The following DIS3L2 variants were observed in gnomAD, a reference collection of about 807,000 sequenced individuals.
DIS3L2 encodes the protein DIS3 like 3'-5' exoribonuclease 2.
DIS3L2 carries 34 observed loss-of-function variants against 97.5 expected under a neutral mutation model. The observed-to-expected ratio is 0.35, with a 90% CI of 0.27 to 0.46. The LOEUF (loss-of-function observed/expected upper bound fraction) is 0.46, where lower values mean the gene tolerates loss of function less well. DIS3L2 is among the 20% of genes least tolerant of loss of function. The pLI is 1.00. For synonymous variants in DIS3L2, 435 were observed against 445.2 expected (o/e 0.98, Z 0.29); for missense variants, 1,038 against 1,146.0 (o/e 0.91, Z 1.36).
rs1694635312 is a variant in DIS3L2 at position 232,292,778 on chromosome 2, T to A, written c.1660-7262T>A. The stretch of plus-strand genomic sequence containing the variant: ...TCCTTGTTGGGATGAAAGCCTTGCC[T>A]CTAACTGAACCCTTTTGAAGGCTTC... On this transcript the variant is annotated intron_variant, in intron 13 of 20. Transcript: ENST00000325385. This position sits in a 1 kb window ranked among gnomAD's most constrained non-coding sequence, Gnocchi z 4.4. Among the ~76,000 whole-genome samples, 1 of 152,200 alleles carries A rather than the reference T, an allele frequency of 6.6e-6. No homozygotes were observed.
chr2:232,046,653 C>T (rs1695251853), intron 5 of DIS3L2, among the ~76,000 whole-genome samples: 1 of 152,126 alleles, frequency 6.6e-6, no homozygotes. Flanking sequence ...ACCCCCTTCT[C>T]CAGTTAGGTC....
At position 232,329,813 on chromosome 2, in the gene DIS3L2, G is replaced by A; in HGVS notation, c.1740G>A (p.Lys580=). 1.8e-6 allele frequency: 1 copy of A among 545,872 alleles called. No individual in the cohort carries two copies. Among genetic ancestry groups the A allele is most frequent in the Non-Finnish European group, 2.9e-6 (1 of 344,608 alleles). 33.8% of individuals were successfully genotyped at this position (545,872 alleles called of 1,614,324 possible). The change falls in exon 15 of 21, where the codon AAG becomes AAA. Residue 580 remains lysine (K), a splice_region_variant and synonymous_variant. Coordinates refer to ENST00000325385, the MANE Select transcript of DIS3L2 (RefSeq NM_152383.5). ...CHIYEYRESN[K]LVEEFMLLAN... ...CTCCCATCCCACCCACCCTCTGCAGGCTCGTGGAGGAGTTCATGCTCTTGG... is the reference window on the plus strand; with the variant it reads ...CTCCCATCCCACCCACCCTCTGCAGACTCGTGGAGGAGTTCATGCTCTTGG...
At position 232,268,003 on chromosome 2, in the gene DIS3L2, C is replaced by T. The variant is rs1456859973; in HGVS notation, c.1659+4563C>T. The stretch of plus-strand genomic sequence containing the variant: ...CCTGCTGGGGTTCTCTCTCTAGCCT[C>T]TTCCTCATCAGTCAGGTGGCAGTAC... On this transcript the variant is annotated intron_variant, in intron 13 of 20. Transcript: ENST00000325385. The surrounding 1 kb of genome is among the most constrained non-coding windows in gnomAD (Gnocchi z 4.1). Among the ~76,000 whole-genome samples, 3 of 152,216 alleles carry T rather than the reference C, an allele frequency of 2.0e-5. No homozygotes were observed. The highest frequency in any genetic ancestry group is 2.9e-5 in the Non-Finnish European group (2 of 68,036).
Position 232,325,433 on chromosome 2 carries a change from C to T in DIS3L2, c.1740-4380C>T, listed in dbSNP as rs964057222. ...CGTGTGCGGGGGGCTGGTGGCCTTT[C>T]TCTGCTGTCTGCCACAGTTTGTGAG... On this transcript the variant is annotated intron_variant, in intron 14 of 20. Transcript: ENST00000325385. The surrounding 1 kb of genome is among the most constrained non-coding windows in gnomAD (Gnocchi z 4.6). Among the ~76,000 whole-genome samples the T allele has an allele frequency of 1.1e-4, 16 of 152,248 alleles. No homozygotes were observed. The highest frequency in any genetic ancestry group is 1.8e-4 in the Non-Finnish European group (12 of 68,034).
chr2:232,023,829 A>G (rs1694583019), intron 3 of DIS3L2, among the ~76,000 whole-genome samples: 1 of 152,160 alleles, frequency 6.6e-6, no homozygotes. Flanking sequence ...TTGGAAATCA[A>G]CCTGTACCAC....
rs148252921 is a variant in DIS3L2, at chr2:232,167,377, A to G, written c.1124+3745A>G. Among the ~76,000 whole-genome samples, 506 of 152,284 alleles carry G rather than the reference A, an allele frequency of 3.3e-3. 4 individuals carry two copies. The highest frequency in any genetic ancestry group is 0.011 in the African/African-American group (466 of 41,574). On this transcript the variant is annotated intron_variant, in intron 9 of 20. Coordinates refer to ENST00000325385, the MANE Select transcript of DIS3L2 (RefSeq NM_152383.5). ...ACGAAAAGTATAGAAAACTGTTTATATAGTAATTTTACTTTTGGTGAAAGC... is the reference window on the plus strand; with the variant it reads ...ACGAAAAGTATAGAAAACTGTTTATGTAGTAATTTTACTTTTGGTGAAAGC...
chr2:232,245,661 T>G (rs1693226799), intron 11 of DIS3L2, among the ~76,000 whole-genome samples: 1 of 152,084 alleles, frequency 6.6e-6, no homozygotes, highest in Non-Finnish European at 1.5e-5. Context: ...TTAAATATAA[T>G]TATACTAACC....
At chr2:232,011,267 G>T (rs1694191227) in intron 1 of DIS3L2, among the ~76,000 whole-genome samples, 1 of 152,196 alleles carries the variant, frequency 6.6e-6, no homozygotes, top group African/African-American at 2.4e-5. Flanking sequence ...ATGTGTCAGG[G>T]TAGGAGTGCC....
intron 15 of DIS3L2, 110 bp downstream of exon 15, chr2:232,330,106 T>C: frequency 7.5e-7 from 1 of 1,327,228 alleles, no homozygotes; most frequent in African/African-American, 1.5e-5. Flanking sequence ...TCCCTCCCCT[T>C]CAGCCAGGTC....
At chr2:232,313,563 C>T (rs764405705) in intron 14 of DIS3L2, among the ~76,000 whole-genome samples, 13 of 152,168 alleles carry the variant, frequency 8.5e-5, no homozygotes, top group Non-Finnish European at 1.5e-4. Context: ...CCCACGAGGT[C>T]GTAAAAATAC....
intron 6 of DIS3L2, among the ~76,000 whole-genome samples, chr2:232,121,863 A>G (rs932558515): frequency 6.6e-6 from 1 of 152,124 alleles, no homozygotes; most frequent in Non-Finnish European, 1.5e-5. Flanking sequence ...CCCCACTAGC[A>G]TCTAAATATT....
intron 9 of DIS3L2, among the ~76,000 whole-genome samples, chr2:232,189,743 A>G (rs1026840209): frequency 2.6e-5 from 4 of 152,322 alleles, no homozygotes; most frequent in African/African-American, 9.6e-5. Context: ...TCTAAATAAG[A>G]TTGGTGCATG....
chr2:232,110,082 G>T (rs111408542), intron 6 of DIS3L2, among the ~76,000 whole-genome samples: 2 of 151,808 alleles, frequency 1.3e-5, no homozygotes, highest in Non-Finnish European at 2.9e-5. Flanking sequence ...CATGCATGTG[G>T]CCAACATTTG....
intron 6 of DIS3L2, among the ~76,000 whole-genome samples, chr2:232,124,753 AT>A (rs1408035265): frequency 2.6e-5 from 4 of 152,312 alleles, no homozygotes; most frequent in African/African-American, 7.2e-5. Context: ...TTTTAAAAAA[AT>A]ATCCAAATTT....
intron 6 of DIS3L2, among the ~76,000 whole-genome samples, chr2:232,099,734 T>C (rs1697137715): frequency 6.6e-6 from 1 of 152,226 alleles, no homozygotes; most frequent in Admixed American, 6.5e-5. Flanking sequence ...GCAAGATCTT[T>C]GCTGTTTTAA....
chr2:232,183,102 C>T (rs956983599), intron 9 of DIS3L2, among the ~76,000 whole-genome samples: 1 of 152,118 alleles, frequency 6.6e-6, no homozygotes, highest in East Asian at 1.9e-4. Context: ...GAAACCTCAC[C>T]CCTTTCACCA....
At chr2:232,222,890 G>T (rs2106234659) in intron 10 of DIS3L2, among the ~76,000 whole-genome samples, 1 of 152,310 alleles carries the variant, frequency 6.6e-6, no homozygotes, top group South Asian at 2.1e-4. Flanking sequence ...TGGGCTTCTG[G>T]GATGCTTGCC....
intron 13 of DIS3L2, among the ~76,000 whole-genome samples, chr2:232,271,212 C>G (rs1693999980): frequency 6.6e-6 from 1 of 152,186 alleles, no homozygotes; most frequent in Non-Finnish European, 1.5e-5. Context: ...GTCCTTTCCT[C>G]TCATTAGAAT....
exon 14 of DIS3L2, chr2:232,343,540 A>G: frequency 6.4e-7 from 1 of 1,565,236 alleles, no homozygotes; most frequent in Non-Finnish European, 8.7e-7. Flanking sequence ...AAACACGATA[A>G]GAGTAGAGGA....
Sources: allele counts gnomAD v4.1 joint callset (sites outside exome capture counted in the v4.1 genomes callset), GRCh38; gene constraint gnomAD v4.1.1; non-coding constraint Gnocchi (gnomAD v3.1); transcripts MANE v1.5; gene names NCBI Gene and HGNC (gene_info 2026-07-23, HGNC 2026-07-21).